Variants in RGS7 observed in about 807,000 individuals in gnomAD.
RGS7 encodes the protein regulator of G protein signaling 7, also known as regulator of G-protein signaling 7.
In RGS7, 27 loss-of-function variants were observed where a neutral mutation model predicts 81.1. That is an observed-to-expected ratio of 0.33 (90% CI 0.25 to 0.46). The LOEUF (loss-of-function observed/expected upper bound fraction) is 0.46, where lower values mean the gene tolerates loss of function less well. Ranked by LOEUF, RGS7 falls within the 20% of genes least tolerant of loss-of-function variation. The pLI, the probability that RGS7 is intolerant of heterozygous loss-of-function variation, is 1.00. For synonymous variants in RGS7, 208 were observed against 207.7 expected (o/e 1.00, Z -0.01); for missense variants, 396 against 607.4 (o/e 0.65, Z 3.66).
At chr1:240,803,395 C>A (rs1272319323) in intron 15 of RGS7, among the ~76,000 whole-genome samples, 1 of 152,066 alleles carries the variant, frequency 6.6e-6, no homozygotes, top group South Asian at 2.1e-4. Flanking sequence ...TCCTGGATAC[C>A]TTTGGCCTCT....
At chr1:241,064,583 AAAC>A (rs2061949090) in intron 3 of RGS7, among the ~76,000 whole-genome samples, 1 of 151,576 alleles carries the variant, frequency 6.6e-6, no homozygotes, top group Non-Finnish European at 1.5e-5. Context: ...CCTGACTCAA[AAAC>A]AACAACAACA....
intron 9 of RGS7, among the ~76,000 whole-genome samples, chr1:240,857,537 TTCA>T (rs1460778622): frequency 6.6e-6 from 1 of 152,166 alleles, no homozygotes; most frequent in East Asian, 1.9e-4. Context: ...GCTCTTCCTC[TTCA>T]TCATCCCTGC....
chr1:240,792,788 C>T (rs1686231646), intron 18 of RGS7, among the ~76,000 whole-genome samples: 2 of 152,194 alleles, frequency 1.3e-5, no homozygotes, highest in South Asian at 4.1e-4. Context: ...AATTTGTGTT[C>T]ATATCTGTCC....
At chr1:240,862,497 G>A (rs1439078159) in intron 9 of RGS7, among the ~76,000 whole-genome samples, 1 of 152,040 alleles carries the variant, frequency 6.6e-6, no homozygotes, top group Non-Finnish European at 1.5e-5. Context: ...TATTCAAAAG[G>A]CAAGGTAGCA....
chr1:241,301,396 T>A (rs1158935981), intron 2 of RGS7, among the ~76,000 whole-genome samples: 1 of 152,254 alleles, frequency 6.6e-6, no homozygotes, highest in African/African-American at 2.4e-5. Context: ...TCAAATAGAA[T>A]CATCAGTGTT....
At chr1:241,063,460 G>A (rs2061852223) in intron 3 of RGS7, among the ~76,000 whole-genome samples, 1 of 152,190 alleles carries the variant, frequency 6.6e-6, no homozygotes, top group Non-Finnish European at 1.5e-5. Flanking sequence ...GAGATTCAGA[G>A]CAGCACTACA....
chr1:241,196,728 T>C (rs1478430825), intron 2 of RGS7, among the ~76,000 whole-genome samples: 1 of 152,118 alleles, frequency 6.6e-6, no homozygotes, highest in African/African-American at 2.4e-5. Flanking sequence ...TAAAGTCTTA[T>C]GGATTCTTAA....
intron 18 of RGS7, among the ~76,000 whole-genome samples, chr1:240,793,813 C>T (rs747127369): frequency 4.0e-5 from 6 of 151,294 alleles, no homozygotes; most frequent in Admixed American, 3.3e-4. Context: ...GGGGTTTCAC[C>T]GTGTTAGCCA....
chr1:241,352,500 T>C (rs145915838), intron 2 of RGS7, among the ~76,000 whole-genome samples: 6 of 152,356 alleles, frequency 3.9e-5, no homozygotes, highest in Non-Finnish European at 7.3e-5. Flanking sequence ...AATTTGCCTA[T>C]AAGGATTTTT....
intron 2 of RGS7, among the ~76,000 whole-genome samples, chr1:241,137,180 T>C (rs1452741250): frequency 6.6e-6 from 1 of 152,176 alleles, no homozygotes; most frequent in East Asian, 1.9e-4. Flanking sequence ...TTCAATGTTG[T>C]ACTATCAAAG....
intron 2 of RGS7, among the ~76,000 whole-genome samples, chr1:241,174,713 C>G (rs551368499): frequency 1.3e-5 from 2 of 152,056 alleles, no homozygotes; most frequent in African/African-American, 4.8e-5. Flanking sequence ...GCAAAAAGTA[C>G]GTATCTGGGG....
At chr1:241,189,182 C>T (rs933572896) in intron 2 of RGS7, among the ~76,000 whole-genome samples, 6 of 152,148 alleles carry the variant, frequency 3.9e-5, no homozygotes, top group Non-Finnish European at 7.4e-5. Flanking sequence ...ACAAGAGTCT[C>T]GCTACATTGC....
intron 14 of RGS7, 116 bp from the exon 15 acceptor site, chr1:240,806,442 G>A: frequency 1.1e-6 from 1 of 934,424 alleles, no homozygotes; most frequent in African/African-American, 1.6e-5. Flanking sequence ...CACTTTCTCT[G>A]AGGGCTTCCA....
chr1:241,050,742 G>C (rs2061204079), intron 3 of RGS7, among the ~76,000 whole-genome samples: 1 of 151,992 alleles, frequency 6.6e-6, no homozygotes, highest in Non-Finnish European at 1.5e-5. Flanking sequence ...GATTAAAACT[G>C]TTATGATGAT....
chr1:241,284,016 G>GTATTT (rs1397239416), intron 2 of RGS7, among the ~76,000 whole-genome samples: 1 of 152,012 alleles, frequency 6.6e-6, no homozygotes. Context: ...TTTATTTACT[G>GTATTT]AGGCTTTCTA....
intron 2 of RGS7, among the ~76,000 whole-genome samples, chr1:241,162,590 TA>T (rs1409813359): frequency 1.3e-5 from 2 of 152,142 alleles, no homozygotes; most frequent in Non-Finnish European, 2.9e-5. Flanking sequence ...GTTCCTGCCC[TA>T]AAGCTTTTTA....
At chr1:241,194,987 C>T (rs1475324859) in intron 2 of RGS7, among the ~76,000 whole-genome samples, 1 of 152,088 alleles carries the variant, frequency 6.6e-6, no homozygotes, top group Non-Finnish European at 1.5e-5. Context: ...ATAGAACAAG[C>T]CTTATAAAGG....
chr1:241,103,842 C>T (rs1558723960), intron 2 of RGS7, among the ~76,000 whole-genome samples: 1 of 152,150 alleles, frequency 6.6e-6, no homozygotes, highest in Non-Finnish European at 1.5e-5. Context: ...CCACTGCACT[C>T]CAGCTTGCGC....
chr1:241,053,677 TCC>T (rs1222900592), intron 3 of RGS7, among the ~76,000 whole-genome samples: 1 of 152,174 alleles, frequency 6.6e-6, no homozygotes, highest in Admixed American at 6.6e-5. Flanking sequence ...TTTGGCTGTG[TCC>T]CCACCCAAAT....
Sources: gnomAD v4.1 joint callset for allele counts (sites outside exome capture counted in the v4.1 genomes callset) on GRCh38, gnomAD v4.1.1 for gene constraint, MANE v1.5 for transcripts, NCBI Gene and HGNC (gene_info 2026-07-23, HGNC 2026-07-21) for gene names.